LINGO2: variants seen among roughly 807,000 people sequenced by gnomAD.
LINGO2 encodes the protein leucine-rich repeat and immunoglobulin-like domain-containing nogo receptor-interacting protein 2.
LINGO2 carries 14 observed loss-of-function variants against 30.6 expected under a neutral mutation model. The observed-to-expected ratio is 0.46, with a 90% CI of 0.30 to 0.72. The LOEUF is 0.72. Ranked by LOEUF, LINGO2 falls within the 30% of genes least tolerant of loss-of-function variation. LINGO2 has a pLI of 0.07. For synonymous variants in LINGO2, 317 were observed against 288.5 expected, an observed-to-expected ratio of 1.10 and a Z score of -1.00; for missense variants, 729 against 751.7, an observed-to-expected ratio of 0.97 and a Z score of 0.35.
intron 4 of LINGO2, among the ~76,000 whole-genome samples, chr9:28,111,015 A>G (rs549887926): frequency 6.6e-6 from 1 of 152,328 alleles, no homozygotes; most frequent in East Asian, 1.9e-4. Context: ...GACTGGATAA[A>G]GAAAATGTGG....
chr9:28,054,356 C>G (rs1009888402), intron 4 of LINGO2, among the ~76,000 whole-genome samples: 1 of 152,056 alleles, frequency 6.6e-6, no homozygotes, highest in Non-Finnish European at 1.5e-5. Context: ...AACACTTTTA[C>G]TTAGATGCTA....
At chr9:28,901,704 A>G in the LINGO2 span, among the ~76,000 whole-genome samples, 1 of 151,506 alleles carries the variant, frequency 6.6e-6, no homozygotes, top group African/African-American at 2.4e-5. Flanking sequence ...CCTATACTAG[A>G]TAAACCATGA....
At chr9:28,104,266 G>GTTTTTTT (rs74180789) in intron 4 of LINGO2, among the ~76,000 whole-genome samples, 2 of 97,468 alleles carry the variant, frequency 2.1e-5, no homozygotes, top group Non-Finnish European at 3.8e-5. Flanking sequence ...TTTTTTGTTT[G>GTTTTTTT]TTTTTTTTTT....
chr9:28,262,357 A>C (rs1262180412), intron 4 of LINGO2, among the ~76,000 whole-genome samples: 2 of 151,954 alleles, frequency 1.3e-5, no homozygotes, highest in African/African-American at 2.4e-5. Flanking sequence ...TTATAGCTTC[A>C]ATGACACAGA....
At chr9:28,385,228 A>G (rs1040762987) in intron 2 of LINGO2, among the ~76,000 whole-genome samples, 1 of 152,100 alleles carries the variant, frequency 6.6e-6, no homozygotes, top group Non-Finnish European at 1.5e-5. Flanking sequence ...AGTGTTTATA[A>G]TCTCTATTCC....
the LINGO2 span, among the ~76,000 whole-genome samples, chr9:29,209,450 C>T: frequency 1.3e-5 from 2 of 151,744 alleles, no homozygotes; most frequent in Admixed American, 6.6e-5. Context: ...TATAAAGTAA[C>T]TGTAAATTAG....
chr9:28,625,104 C>G (rs1438395006), intron 1 of LINGO2, among the ~76,000 whole-genome samples: 1 of 151,958 alleles, frequency 6.6e-6, no homozygotes, highest in East Asian at 1.9e-4. Flanking sequence ...TATCTAGGAC[C>G]CCAGAGCCCT....
the LINGO2 span, among the ~76,000 whole-genome samples, chr9:28,776,569 A>G: frequency 6.6e-6 from 1 of 152,222 alleles, no homozygotes; most frequent in Non-Finnish European, 1.5e-5. Context: ...ATGAGCTGGT[A>G]ACCATGCTGG....
At chr9:29,028,424 G>GC in the LINGO2 span, among the ~76,000 whole-genome samples, 13 of 87,034 alleles carry the variant, frequency 1.5e-4, no homozygotes, top group Admixed American at 8.9e-4. Flanking sequence ...GTGTGTGGGG[G>GC]GGGGTGAGAG....
chr9:28,613,229 A>T (rs1264798170), intron 1 of LINGO2, among the ~76,000 whole-genome samples: 2 of 152,128 alleles, frequency 1.3e-5, no homozygotes, highest in African/African-American at 2.4e-5. Flanking sequence ...GGACTAATAC[A>T]GATACTTTTG....
Position 28,329,291 on chromosome 9 carries a change from C to A in LINGO2, c.-245-33925G>T, listed in dbSNP as rs929451814. On this transcript the variant is annotated intron_variant, in intron 3 of 5. Transcript: ENST00000379992. This position sits in a 1 kb window ranked among gnomAD's most constrained non-coding sequence, Gnocchi z 4.5. ...TCCATTTCTAGTCATAATTCTGTCC[C>A]ATGGCACAAAGCAGAGCTTCTTATT... Among the ~76,000 whole-genome samples the A allele has an allele frequency of 6.6e-6, 1 of 152,082 alleles. No individual in the cohort carries two copies. The highest frequency in any genetic ancestry group is 1.5e-5 in the Non-Finnish European group (1 of 68,016).
At chr9:28,901,976 A>G in the LINGO2 span, among the ~76,000 whole-genome samples, 136,288 of 152,148 alleles carry the variant, frequency 0.9, 61,328 homozygotes, top group Non-Finnish European at 0.94. Context: ...GATCACTTGA[A>G]CATAGGAGTC....
At chr9:29,146,460 T>C in the LINGO2 span, among the ~76,000 whole-genome samples, 1 of 152,188 alleles carries the variant, frequency 6.6e-6, no homozygotes, top group African/African-American at 2.4e-5. Flanking sequence ...TGCCCACAAT[T>C]ACTTTTGCAC....
chr9:28,617,967 T>A (rs1211933344), intron 1 of LINGO2, among the ~76,000 whole-genome samples: 1 of 152,188 alleles, frequency 6.6e-6, no homozygotes, highest in Non-Finnish European at 1.5e-5. Flanking sequence ...GATGTGAAGA[T>A]ATCACTGAAG....
the LINGO2 span, among the ~76,000 whole-genome samples, chr9:29,007,564 T>A: frequency 2.6e-5 from 4 of 152,120 alleles, no homozygotes; most frequent in Non-Finnish European, 5.9e-5. Context: ...AGGCCTTTTT[T>A]TCTGGAACCC....
intron 5 of LINGO2, among the ~76,000 whole-genome samples, chr9:27,995,691 A>C (rs752731650): frequency 1.3e-4 from 20 of 152,214 alleles, no homozygotes; most frequent in Admixed American, 2.0e-4. Context: ...CAACAAATTG[A>C]GTATAAATTT....
the LINGO2 span, among the ~76,000 whole-genome samples, chr9:29,196,607 C>T: frequency 6.6e-6 from 1 of 151,978 alleles, no homozygotes; most frequent in East Asian, 1.9e-4. Flanking sequence ...AGGTTGAGCA[C>T]TCTTAAGTGT....
intron 1 of LINGO2, among the ~76,000 whole-genome samples, chr9:28,573,060 G>T (rs1823780240): frequency 6.6e-6 from 1 of 151,952 alleles, no homozygotes; most frequent in African/African-American, 2.4e-5. Flanking sequence ...AATATCTATT[G>T]GCAAAATATT....
At chr9:28,827,696 A>G in the LINGO2 span, among the ~76,000 whole-genome samples, 1 of 152,188 alleles carries the variant, frequency 6.6e-6, no homozygotes, top group South Asian at 2.1e-4. Context: ...TAATTAGGTT[A>G]TTATAACAAA....
Sources: allele counts gnomAD v4.1 joint callset (sites outside exome capture counted in the v4.1 genomes callset), GRCh38; gene constraint gnomAD v4.1.1; non-coding constraint Gnocchi (gnomAD v3.1); transcripts MANE v1.5; gene names NCBI Gene and HGNC (gene_info 2026-07-23, HGNC 2026-07-21).